Variants in DGLUCY observed in about 807,000 individuals in gnomAD.
DGLUCY encodes the protein D-glutamate cyclase.
DGLUCY carries 58 observed loss-of-function variants against 58.5 expected under a neutral mutation model. The ratio of observed to expected loss-of-function variants is 0.99; its 90% confidence interval spans 0.80 to 1.23. The LOEUF (loss-of-function observed/expected upper bound fraction) is 1.23, where lower values mean the gene tolerates loss of function less well. Ranked by LOEUF, DGLUCY falls within the 50% of genes most tolerant of loss-of-function variation. DGLUCY has a pLI of 0.00. For synonymous variants in DGLUCY, 325 were observed against 314.1 expected, an observed-to-expected ratio of 1.03 and a Z score of -0.37; for missense variants, 779 against 784.7, an observed-to-expected ratio of 0.99 and a Z score of 0.09.
intron 6 of DGLUCY, among the ~76,000 whole-genome samples, chr14:91,175,297 G>C (rs2048794597): frequency 6.6e-6 from 1 of 152,082 alleles, no homozygotes; most frequent in South Asian, 2.1e-4. Flanking sequence ...CCTCTTAGAA[G>C]GCCTGATGAG....
chr14:91,067,936 TACAAAG>T (rs1396351956), intron 1 of DGLUCY, among the ~76,000 whole-genome samples: 2 of 152,168 alleles, frequency 1.3e-5, no homozygotes, highest in Admixed American at 1.3e-4. Flanking sequence ...GACTGCAAGA[TACAAAG>T]ACCAACACAG....
intron 12 of DGLUCY, among the ~76,000 whole-genome samples, chr14:91,208,413 G>A (rs112651510): frequency 6.6e-6 from 1 of 152,282 alleles, no homozygotes; most frequent in Non-Finnish European, 1.5e-5. Context: ...CATTATGTAT[G>A]CCATATGTAT....
At chr14:91,118,080 C>CA (rs1244360183) in intron 1 of DGLUCY, among the ~76,000 whole-genome samples, 10 of 93,492 alleles carry the variant, frequency 1.1e-4, no homozygotes, top group Non-Finnish European at 1.6e-4. Context: ...TCCCCGCCCC[C>CA]CCCCCCCCTT....
At chr14:91,132,289 G>A (rs941549053) in intron 1 of DGLUCY, among the ~76,000 whole-genome samples, 3 of 152,050 alleles carry the variant, frequency 2.0e-5, no homozygotes, top group Non-Finnish European at 4.4e-5. Context: ...TATGGGCAGG[G>A]TGTGGTACCT....
chr14:91,096,385 G>C (rs1156993663), intron 1 of DGLUCY, among the ~76,000 whole-genome samples: 1 of 150,622 alleles, frequency 6.6e-6, no homozygotes, highest in Non-Finnish European at 1.5e-5. Flanking sequence ...TTGTGCCACT[G>C]CACTCCAGCC....
rs28534037 is a variant in DGLUCY at position 91,157,107 on chromosome 14, A to T, written c.-81-532A>T. Reference sequence around the variant, plus strand: ...GATGGATGGATGAATGGGTGGATGGATGGATGGATGGGTGGATGGATGGAT... The same window carrying T: ...GATGGATGGATGAATGGGTGGATGGTTGGATGGATGGGTGGATGGATGGAT... On this transcript the variant is annotated intron_variant, in intron 1 of 13. Transcript: ENST00000256324. Among the ~76,000 whole-genome samples, 11 of 142,508 alleles carry T rather than the reference A, an allele frequency of 7.7e-5. No homozygotes were observed. The East Asian group carries it at 2.3e-3, about 30-fold the overall frequency. 93.5% of individuals were successfully genotyped at this position (142,508 alleles called of 152,430 possible).
intron 1 of DGLUCY, among the ~76,000 whole-genome samples, chr14:91,062,559 ATATATATATATATAT>A (rs1417430347): frequency 2.7e-4 from 5 of 18,598 alleles, no homozygotes; most frequent in Non-Finnish European, 4.8e-4. Flanking sequence ...AAAAAAAAAA[ATATATATATATATAT>A]ATATATATAT....
Position 91,192,757 on chromosome 14 carries a change from T to A in DGLUCY, c.1195+3587T>A, listed in dbSNP as rs539684850. Among the ~76,000 whole-genome samples the A allele has an allele frequency of 1.2e-4, 18 of 152,242 alleles. No individual in the cohort carries two copies. In the South Asian group the frequency reaches 3.1e-3, roughly 26 times the overall value. On this transcript the variant is annotated intron_variant, in intron 9 of 13. Coordinates refer to ENST00000256324, the MANE Select transcript of DGLUCY (RefSeq NM_001102368.3). ...CAGTGGAGGTTGCAGTTAGCCAAGA[T>A]CGCACCAATGCACTCCAGCCTGGGT...
chr14:91,094,639 A>G lies in DGLUCY; in HGVS notation c.-82+33935A>G, dbSNP rs184865536. ...GGAGTTCGAGACCAGTCTGGCCAACATGGTGAAACCCCATCTCTACTAAAA... is the reference window on the plus strand; with the variant it reads ...GGAGTTCGAGACCAGTCTGGCCAACGTGGTGAAACCCCATCTCTACTAAAA... On this transcript the variant is annotated intron_variant, in intron 1 of 4. Coordinates refer to the DGLUCY transcript ENST00000521334. Among the ~76,000 whole-genome samples, 482 of 152,004 alleles carry G rather than the reference A, an allele frequency of 3.2e-3. 1 individual carries two copies. The highest frequency in any genetic ancestry group is 0.011 in the African/African-American group (452 of 41,454).
intron 1 of DGLUCY, among the ~76,000 whole-genome samples, chr14:91,130,615 T>C (rs1341329094): frequency 6.6e-6 from 1 of 152,062 alleles, no homozygotes; most frequent in East Asian, 1.9e-4. Flanking sequence ...CAAGAATCTT[T>C]TCTTATTTAT....
intron 1 of DGLUCY, among the ~76,000 whole-genome samples, chr14:91,087,318 CCT>C (rs111596298): frequency 0.012 from 1,876 of 152,288 alleles, 31 homozygotes; most frequent in African/African-American, 0.043. Flanking sequence ...CAGAACCCCC[CCT>C]GTCTGATGGG....
intron 1 of DGLUCY, among the ~76,000 whole-genome samples, chr14:91,144,522 T>A (rs2140271702): frequency 6.6e-6 from 1 of 152,240 alleles, no homozygotes; most frequent in African/African-American, 2.4e-5. Context: ...ATGACACTAC[T>A]GCACTCCAGC....
At position 91,140,042 on chromosome 14, in the gene DGLUCY, C is replaced by G. The variant is rs140758662; in HGVS notation, c.-81-17597C>G. ...ACATAGAGTAACTACCTGCAGAGAT[C>G]TTTAACCTTTTATGTGTAGCTATCT... is the stretch of plus-strand genomic sequence containing the variant. On this transcript the variant is annotated intron_variant, in intron 1 of 13. Transcript: ENST00000256324. Among the ~76,000 whole-genome samples the G allele has an allele frequency of 1.1e-4, 16 of 152,328 alleles. No homozygotes were observed. In the East Asian group the frequency reaches 2.9e-3, roughly 28 times the overall value.
At chr14:91,166,826 C>T (rs754696077) in intron 3 of DGLUCY, among the ~76,000 whole-genome samples, 12 of 151,652 alleles carry the variant, frequency 7.9e-5, no homozygotes, top group Non-Finnish European at 1.8e-4. Flanking sequence ...AGGGGCTGGG[C>T]GCAATGGCTC....
At chr14:91,105,132 T>G (rs995610147), upstream of DGLUCY, among the ~76,000 whole-genome samples, 1 of 152,064 alleles carries the variant, frequency 6.6e-6, no homozygotes, top group Non-Finnish European at 1.5e-5. Flanking sequence ...CTGGCCAACA[T>G]GTTGAAACCC....
rs36096639 is a variant in DGLUCY, at chr14:91,205,842, CTTTTTTTTTTTT to C, written c.1564+1029_1564+1040del. Among the ~76,000 whole-genome samples, 292 of 70,730 alleles carry C rather than the reference CTTTTTTTTTTTT, an allele frequency of 4.1e-3. 1 individual carries two copies. Among genetic ancestry groups the C allele is most frequent in the Admixed American group, 5.9e-3 (29 of 4,944 alleles). 46.4% of individuals were successfully genotyped at this position (70,730 alleles called of 152,430 possible). On this transcript the variant is annotated intron_variant, in intron 12 of 13. Transcript: ENST00000256324. ...TCCTCCTCCTCCCTTTCTTCTTCTT[CTTTTTTTTTTTT>C]TTTTTTTTTTTGAGCGTGCTTTGTT...
In DGLUCY at chr14:91,176,021, C is replaced by G. The variant is rs756195721; in HGVS notation, c.695C>G (p.Ser232Cys). 2.5e-6 allele frequency: 4 copies of G among 1,614,002 alleles called. No individual in the cohort carries two copies. The highest frequency in any genetic ancestry group is 1.1e-5 in the South Asian group (1 of 91,088). ...PPGEVPVFWP[S>C]PLTSLGAVSS... ...GGGGAGGTTCCAGTGTTCTGGCCTT[C>G]TCCGCTGACCAGTCTCGGAGCTGTC... The change falls in exon 7 of 14, where the codon TCT becomes TGT. Residue 232 changes from serine to cysteine, a missense_variant. Ser to Cys is a moderately radical substitution (Grantham distance 112). Coordinates refer to ENST00000256324, the MANE Select transcript of DGLUCY (RefSeq NM_001102368.3).
At chr14:91,129,320 T>G (rs1352303021) in intron 1 of DGLUCY, among the ~76,000 whole-genome samples, 1 of 152,166 alleles carries the variant, frequency 6.6e-6, no homozygotes, top group Admixed American at 6.6e-5. Flanking sequence ...TGTCTCTACC[T>G]GAGGGAAATT....
At chr14:91,157,119 G>GGATGGA (rs1393896750) in intron 1 of DGLUCY, among the ~76,000 whole-genome samples, 1 of 131,052 alleles carries the variant, frequency 7.6e-6, no homozygotes, top group Admixed American at 7.6e-5. Flanking sequence ...GGATGGATGG[G>GGATGGA]TGGATGGATG....
Sources: allele counts gnomAD v4.1 joint callset (sites outside exome capture counted in the v4.1 genomes callset), GRCh38; gene constraint gnomAD v4.1.1; transcripts MANE v1.5; gene names NCBI Gene and HGNC (gene_info 2026-07-23, HGNC 2026-07-21).